The following GALNT17 variants were observed in gnomAD, a reference collection of about 807,000 sequenced individuals.
GALNT17 encodes polypeptide N-acetylgalactosaminyltransferase 17.
Under a neutral mutation model 63.7 loss-of-function variants are expected in GALNT17, and 29 were observed. The ratio of observed to expected loss-of-function variants is 0.46; its 90% CI spans 0.34 to 0.62. The LOEUF is 0.62. Among genes scored for constraint, GALNT17 ranks in the 20% least tolerant of loss-of-function variants. The pLI is 0.01. For missense variants in GALNT17, 603 were observed against 799.6 expected (o/e 0.75, Z 2.97); for synonymous variants, 305 against 318.3 (o/e 0.96, Z 0.45).
chr7:71,708,879 A>G (rs1454241765), intron 9 of GALNT17, among the ~76,000 whole-genome samples: 3 of 152,192 alleles, frequency 2.0e-5, no homozygotes, highest in Non-Finnish European at 4.4e-5. Flanking sequence ...TGTTGCTACA[A>G]AAGACATGAT....
chr7:71,474,374 G>A (rs1050064926), intron 5 of GALNT17, among the ~76,000 whole-genome samples: 4 of 151,950 alleles, frequency 2.6e-5, no homozygotes, highest in South Asian at 2.1e-4. Flanking sequence ...TCACTTCCTG[G>A]CAATGCAGCC....
At chr7:71,412,030 C>T (rs1793438101) in intron 3 of GALNT17, among the ~76,000 whole-genome samples, 1 of 152,214 alleles carries the variant, frequency 6.6e-6, no homozygotes, top group African/African-American at 2.4e-5. Context: ...AGATGATGCT[C>T]TTGGGCTCTC....
intron 1 of GALNT17, among the ~76,000 whole-genome samples, chr7:71,321,661 G>A (rs1355563599): frequency 3.9e-5 from 5 of 126,796 alleles, no homozygotes; most frequent in African/African-American, 1.5e-4. Flanking sequence ...AGGCTGGAGT[G>A]CAGTGGTGCA....
At chr7:71,697,647 A>G (rs35656749) in intron 9 of GALNT17, among the ~76,000 whole-genome samples, 25,275 of 152,160 alleles carry the variant, frequency 0.17, 2,659 homozygotes, top group African/African-American at 0.29. Flanking sequence ...ATCATACCAA[A>G]ATGATAGATT....
chr7:71,648,267 CT>C (rs1790708723), intron 6 of GALNT17, among the ~76,000 whole-genome samples: 2 of 151,264 alleles, frequency 1.3e-5, no homozygotes, highest in Admixed American at 1.3e-4. Context: ...CTGTCATGAG[CT>C]ACTTTTTTTT....
intron 1 of GALNT17, among the ~76,000 whole-genome samples, chr7:71,267,327 G>A (rs151046641): frequency 1.3e-3 from 194 of 151,840 alleles, no homozygotes; most frequent in Non-Finnish European, 2.4e-3. Context: ...CCTTGGGGTT[G>A]AGTAGTTAAC....
intron 8 of GALNT17, among the ~76,000 whole-genome samples, chr7:71,676,660 G>A (rs928631897): frequency 3.3e-5 from 5 of 152,132 alleles, no homozygotes; most frequent in African/African-American, 4.8e-5. Context: ...GATTACAGGC[G>A]TGAGCCACCG....
At chr7:71,673,012 CT>C (rs925299415) in intron 8 of GALNT17, among the ~76,000 whole-genome samples, 62 of 150,790 alleles carry the variant, frequency 4.1e-4, no homozygotes, top group African/African-American at 1.0e-3. Flanking sequence ...TTTTTTCCCC[CT>C]ATCCGCAAAT....
rs558534443 is a variant in GALNT17, at chr7:71,462,521, C to T, written c.962+41416C>T. On this transcript the variant is annotated intron_variant, in intron 5 of 10. Coordinates refer to ENST00000333538, the MANE Select transcript of GALNT17 (RefSeq NM_022479.3). ...TGAGGACTCACACCCCTAACACAGC[C>T]TCAGGAAGTGCTGACGGCATGTGCC... is the stretch of plus-strand genomic sequence containing the variant. 6.3e-4 allele frequency among the ~76,000 whole-genome samples: 96 copies of T among 152,290 alleles called. 1 individual carries two copies. Among genetic ancestry groups the T allele is most frequent in the Middle Eastern group, 6.8e-3 (2 of 294 alleles).
At chr7:71,471,471 T>G (rs903188469) in intron 5 of GALNT17, among the ~76,000 whole-genome samples, 1 of 150,890 alleles carries the variant, frequency 6.6e-6, no homozygotes, top group African/African-American at 2.4e-5. Context: ...GTAAAATAGA[T>G]TCTATAGGCA....
intron 9 of GALNT17, among the ~76,000 whole-genome samples, chr7:71,703,470 AG>A (rs1791681013): frequency 6.6e-6 from 1 of 152,214 alleles, no homozygotes; most frequent in African/African-American, 2.4e-5. Context: ...TTTATCACCA[AG>A]GGGATGGTGC....
At chr7:71,205,188 T>C (rs1417585339) in intron 1 of GALNT17, among the ~76,000 whole-genome samples, 1 of 144,038 alleles carries the variant, frequency 6.9e-6, no homozygotes, top group African/African-American at 2.6e-5. Context: ...AGAGTCTCGC[T>C]CTGTTGCCAG....
chr7:71,534,943 T>A (rs554555551), intron 5 of GALNT17, among the ~76,000 whole-genome samples: 1 of 152,210 alleles, frequency 6.6e-6, no homozygotes, highest in East Asian at 1.9e-4. Context: ...TAGGTTCCCT[T>A]CTATCATATT....
intron 1 of GALNT17, among the ~76,000 whole-genome samples, chr7:71,192,127 C>A (rs1485377220): frequency 6.6e-6 from 1 of 152,152 alleles, no homozygotes; most frequent in Non-Finnish European, 1.5e-5. Flanking sequence ...CAGGAAGCAT[C>A]CAGCACGAGA....
At chr7:71,674,494 A>T (rs1464635928) in intron 8 of GALNT17, among the ~76,000 whole-genome samples, 1 of 146,678 alleles carries the variant, frequency 6.8e-6, no homozygotes, top group Non-Finnish European at 1.5e-5. Flanking sequence ...CACAGGTGTG[A>T]GCCACTGCTG....
intron 5 of GALNT17, among the ~76,000 whole-genome samples, chr7:71,561,258 C>T (rs556556965): frequency 9.9e-5 from 15 of 152,254 alleles, no homozygotes; most frequent in African/African-American, 2.9e-4. Flanking sequence ...GTGATCCGCC[C>T]ACCTCGGCCT....
intron 1 of GALNT17, among the ~76,000 whole-genome samples, chr7:71,260,269 A>G (rs1790362425): frequency 6.6e-6 from 1 of 152,100 alleles, no homozygotes; most frequent in African/African-American, 2.4e-5. Context: ...CCACCAAATG[A>G]TTTGCAGTGT....
chr7:71,665,290 A>C (rs1056246404), intron 6 of GALNT17, 121 bp from the exon 7 acceptor site: 13 of 1,047,130 alleles, frequency 1.2e-5, no homozygotes, highest in Middle Eastern at 3.3e-4. Context: ...CATTGGCTTT[A>C]TATATTAAAA....
At chr7:71,175,362 C>A (rs1386520987) in intron 1 of GALNT17, among the ~76,000 whole-genome samples, 1 of 152,186 alleles carries the variant, frequency 6.6e-6, no homozygotes, top group Non-Finnish European at 1.5e-5. Flanking sequence ...TTGTCATCTA[C>A]CTATATCTAT....
Sources: allele counts gnomAD v4.1 joint callset (sites outside exome capture counted in the v4.1 genomes callset), GRCh38; gene constraint gnomAD v4.1.1; transcripts MANE v1.5; gene names NCBI Gene and HGNC (gene_info 2026-07-23, HGNC 2026-07-21).